SLC35F3: variants seen among roughly 807,000 people sequenced by gnomAD.
The protein encoded by SLC35F3 is solute carrier family 35 member F3, also known as putative thiamine transporter SLC35F3.
A neutral mutation model predicts 49.9 loss-of-function variants in SLC35F3; 25 were observed. The observed-to-expected ratio is 0.50, with a 90% CI of 0.37 to 0.70. The LOEUF (loss-of-function observed/expected upper bound fraction) is 0.70, where lower values mean the gene tolerates loss of function less well. SLC35F3 is among the 30% of genes least tolerant of loss of function. The probability of loss-of-function intolerance (pLI) is 0.00; values close to 1 mark genes in which losing one functional copy is unlikely to be tolerated. For missense variants in SLC35F3, 525 were observed against 639.8 expected, an observed-to-expected ratio of 0.82 and a Z score of 1.94; for synonymous variants, 275 against 265.4, an observed-to-expected ratio of 1.04 and a Z score of -0.35.
intron 2 of SLC35F3, among the ~76,000 whole-genome samples, chr1:234,013,270 A>T (rs897438638): frequency 6.6e-6 from 1 of 152,224 alleles, no homozygotes; most frequent in African/African-American, 2.4e-5. Context: ...GGAAATTTTT[A>T]AAATTTTTGA....
At chr1:234,155,933 C>T (rs1034843360) in intron 2 of SLC35F3, among the ~76,000 whole-genome samples, 3 of 151,770 alleles carry the variant, frequency 2.0e-5, no homozygotes, top group Non-Finnish European at 4.4e-5. Context: ...AATGTTGAAG[C>T]CATTAAAAAT....
rs755268100 is a variant in SLC35F3 at position 234,267,465 on chromosome 1, G to C, written c.608+35724G>C. Among the ~76,000 whole-genome samples, 1,091 of 148,212 alleles carry C rather than the reference G, an allele frequency of 7.4e-3. 5 individuals are homozygous for C. Among genetic ancestry groups the C allele is most frequent in the Non-Finnish European group, 0.011 (712 of 66,812 alleles). On this transcript the variant is annotated intron_variant, in intron 3 of 7. Transcript: ENST00000366618. ...TCCCAGTAGGGGCGGCCGGGCAGAA[G>C]CGCCCCTCACCTCCCGGATGGGGCG...
intron 2 of SLC35F3, among the ~76,000 whole-genome samples, chr1:233,966,400 G>C (rs1439133458): frequency 6.6e-6 from 1 of 151,998 alleles, no homozygotes; most frequent in African/African-American, 2.4e-5. Context: ...CCCCAGTGAG[G>C]CCCCATCTGG....
At chr1:233,985,996 C>T (rs972630892) in intron 2 of SLC35F3, among the ~76,000 whole-genome samples, 1 of 152,168 alleles carries the variant, frequency 6.6e-6, no homozygotes, top group African/African-American at 2.4e-5. Context: ...TTTACTGCTT[C>T]CTAGCTGTGC....
chr1:234,237,697 A>G (rs1041668150), intron 3 of SLC35F3, among the ~76,000 whole-genome samples: 1 of 152,192 alleles, frequency 6.6e-6, no homozygotes, highest in African/African-American at 2.4e-5. Flanking sequence ...GGAGAGAGAT[A>G]GTGCTTCATT....
chr1:234,160,508 G>A (rs1666209735), intron 2 of SLC35F3, among the ~76,000 whole-genome samples: 3 of 152,182 alleles, frequency 2.0e-5, no homozygotes, highest in Non-Finnish European at 4.4e-5. Flanking sequence ...TCCCCTTTGA[G>A]TTGGGTTAAA....
intron 2 of SLC35F3, among the ~76,000 whole-genome samples, chr1:234,130,433 G>A (rs993895532): frequency 6.7e-6 from 1 of 149,202 alleles, no homozygotes; most frequent in Non-Finnish European, 1.5e-5. Context: ...GAGGTCAGGA[G>A]ATCGAGGCCA....
At chr1:233,963,820 C>G (rs1032460195) in intron 2 of SLC35F3, among the ~76,000 whole-genome samples, 21 of 152,326 alleles carry the variant, frequency 1.4e-4, no homozygotes, top group African/African-American at 4.6e-4. Context: ...AGGTCATTCA[C>G]TATCACACAA....
chr1:234,307,235 T>C (rs1381985515), intron 3 of SLC35F3, among the ~76,000 whole-genome samples: 1 of 152,190 alleles, frequency 6.6e-6, no homozygotes, highest in East Asian at 1.9e-4. Flanking sequence ...AAAGCCAAAA[T>C]GGAATCAATT....
chr1:233,983,184 C>G (rs11580643), intron 2 of SLC35F3, among the ~76,000 whole-genome samples: 1 of 151,242 alleles, frequency 6.6e-6, no homozygotes, highest in Non-Finnish European at 1.5e-5. Flanking sequence ...GCCGCCCTCC[C>G]TCTCTATCTC....
chr1:234,024,435 T>C (rs12077100), intron 2 of SLC35F3, among the ~76,000 whole-genome samples: 12,988 of 152,150 alleles, frequency 0.085, 1,537 homozygotes, highest in African/African-American at 0.26. Flanking sequence ...ACATGATTAG[T>C]ATCTTAGTCT....
intron 3 of SLC35F3, among the ~76,000 whole-genome samples, chr1:234,305,540 G>A (rs1657144939): frequency 6.6e-6 from 1 of 151,896 alleles, no homozygotes; most frequent in Non-Finnish European, 1.5e-5. Context: ...GCACCACCAT[G>A]CCTGGCTAAT....
At chr1:234,066,794 TC>T (rs1218235003) in intron 2 of SLC35F3, among the ~76,000 whole-genome samples, 1 of 148,072 alleles carries the variant, frequency 6.8e-6, no homozygotes, top group Admixed American at 6.8e-5. Context: ...TCTCTTTCTC[TC>T]CCTTTGTCTC....
chr1:234,160,045 G>A (rs937292661), intron 2 of SLC35F3, among the ~76,000 whole-genome samples: 2 of 152,062 alleles, frequency 1.3e-5, no homozygotes, highest in Non-Finnish European at 2.9e-5. Flanking sequence ...TCATTTACTA[G>A]GATCATTAAT....
chr1:234,095,018 C>T (rs1054569717), intron 2 of SLC35F3, among the ~76,000 whole-genome samples: 6 of 152,114 alleles, frequency 3.9e-5, no homozygotes, highest in Non-Finnish European at 5.9e-5. Flanking sequence ...ATCCACCCTC[C>T]GCTGGCAGGG....
intron 3 of SLC35F3, among the ~76,000 whole-genome samples, chr1:234,232,463 C>T (rs1430232993): frequency 2.3e-5 from 3 of 132,062 alleles, no homozygotes; most frequent in East Asian, 4.1e-4. Flanking sequence ...CTCGTGTTTC[C>T]CCAAAGTGGA....
chr1:234,080,770 A>G (rs973187911), intron 2 of SLC35F3, among the ~76,000 whole-genome samples: 1 of 152,220 alleles, frequency 6.6e-6, no homozygotes, highest in African/African-American at 2.4e-5. Context: ...GGAAGGAACT[A>G]GGAATGGTTA....
Position 234,081,904 on chromosome 1 carries a change from A to ATTTTTTTTTTTTTTTTTTTTTTT in SLC35F3, c.284-149503_284-149481dup, listed in dbSNP as rs781469880. Among the ~76,000 whole-genome samples, 5 of 39,232 alleles carry ATTTTTTTTTTTTTTTTTTTTTTT rather than the reference A, an allele frequency of 1.3e-4. 1 individual carries two copies. The highest frequency in any genetic ancestry group is 2.7e-4 in the African/African-American group (2 of 7,466). The allele number at this position is 39,232 out of a possible 152,430, so 25.7% of individuals were successfully genotyped here. A position where few individuals can be genotyped will look rare whatever the true frequency, so the allele number is the denominator to read the frequency against. ...AGGCGCCTGCCACCATGCCTGGCTA[A>ATTTTTTTTTTTTTTTTTTTTTTT]TTTTTTTTTTTTTTTTTTTTTTTTT... On this transcript the variant is annotated intron_variant, in intron 2 of 7. Transcript: ENST00000366618.
chr1:234,119,749 G>A (rs950611212), intron 2 of SLC35F3, among the ~76,000 whole-genome samples: 15 of 152,172 alleles, frequency 9.9e-5, no homozygotes, highest in African/African-American at 3.6e-4. Context: ...AAATGAACAG[G>A]ATAGTCAAAA....
Sources: allele counts gnomAD v4.1 joint callset (sites outside exome capture counted in the v4.1 genomes callset), GRCh38; gene constraint gnomAD v4.1.1; transcripts MANE v1.5; gene names NCBI Gene and HGNC (gene_info 2026-07-23, HGNC 2026-07-21).